GALK2: variants seen among roughly 807,000 people sequenced by gnomAD.
The protein encoded by GALK2 is N-acetylgalactosamine kinase.
Under a neutral mutation model 52.4 loss-of-function variants are expected in GALK2, and 36 were observed. The observed-to-expected ratio is 0.69, with a 90% CI of 0.53 to 0.91. GALK2 has a LOEUF of 0.91. Among genes scored for constraint, GALK2 ranks in the 40% least tolerant of loss-of-function variants. The pLI, the probability that GALK2 is intolerant of heterozygous loss-of-function variation, is 0.00. For missense variants in GALK2, 579 were observed against 559.1 expected (o/e 1.04, Z -0.36); for synonymous variants, 176 against 199.1 (o/e 0.88, Z 0.98).
intron 3 of GALK2, among the ~76,000 whole-genome samples, chr15:49,223,624 G>A (rs2089958264): frequency 6.6e-6 from 1 of 152,132 alleles, no homozygotes; most frequent in Non-Finnish European, 1.5e-5. Flanking sequence ...CCACTTATAA[G>A]TGAGAACATG....
At chr15:49,364,450 G>A (rs951843576) in intron 3 of GALK2, among the ~76,000 whole-genome samples, 5 of 151,984 alleles carry the variant, frequency 3.3e-5, no homozygotes, top group Non-Finnish European at 7.4e-5. Context: ...TGTGGGGTTG[G>A]TGGCAATGTC....
At chr15:49,293,850 A>G (rs937209824) in intron 8 of GALK2, among the ~76,000 whole-genome samples, 1 of 152,080 alleles carries the variant, frequency 6.6e-6, no homozygotes, top group Non-Finnish European at 1.5e-5. Context: ...CTGTAATTCC[A>G]GCACTTTGGG....
chr15:49,284,486 A>G (rs1470928771), intron 7 of GALK2, among the ~76,000 whole-genome samples: 2 of 152,176 alleles, frequency 1.3e-5, no homozygotes, highest in Non-Finnish European at 2.9e-5. Flanking sequence ...TAATACGACT[A>G]GAAAGTTGGA....
rs1409451180 is a variant in GALK2, at chr15:49,260,267, G to A, written c.504+20900G>A. Among the ~76,000 whole-genome samples the A allele has an allele frequency of 9.9e-5, 15 of 152,072 alleles. No individual in the cohort carries two copies. In the East Asian group the frequency reaches 2.1e-3, roughly 22 times the overall value. ...GTTGTTTCCTGACTTTTTAATGATC[G>A]CCATTCTAACTGGTGTGAGATGGTA... On this transcript the variant is annotated intron_variant, in intron 5 of 9. Transcript: ENST00000560031.
intron 1 of GALK2, among the ~76,000 whole-genome samples, chr15:49,184,763 A>G (rs1012768827): frequency 6.6e-6 from 1 of 152,204 alleles, no homozygotes; most frequent in African/African-American, 2.4e-5. Context: ...CTTCAACTTC[A>G]TCTACCTTCT....
intron 4 of GALK2, among the ~76,000 whole-genome samples, chr15:49,236,395 G>A (rs2090808381): frequency 6.6e-6 from 1 of 152,054 alleles, no homozygotes; most frequent in Admixed American, 6.6e-5. Flanking sequence ...CTGACAAAGA[G>A]TTGTTAAAAG....
downstream of GALK2, among the ~76,000 whole-genome samples, chr15:49,334,956 A>G (rs549821112): frequency 6.6e-6 from 1 of 152,320 alleles, no homozygotes; most frequent in South Asian, 2.1e-4. Context: ...ATTATTTTAT[A>G]AATTATTATG....
intron 1 of GALK2, among the ~76,000 whole-genome samples, chr15:49,170,764 C>T (rs970101009): frequency 6.6e-6 from 1 of 152,068 alleles, no homozygotes; most frequent in Non-Finnish European, 1.5e-5. Context: ...AAAACAAACA[C>T]AAAAACCTTC....
In GALK2 at chr15:49,329,533, A is replaced by G; in HGVS notation, c.*1374A>G. ...GGGAGGCCTGCGCAAAGCTAGTTTT[A>G]TTTCTTAAAGGATAACAGTCATACA... On this transcript the variant is annotated 3_prime_UTR_variant, in exon 10 of 10. Transcript: ENST00000560031. 1.0e-6 allele frequency: 1 copy of G among 985,322 alleles called. No individual in the cohort carries two copies. 61.0% of individuals were successfully genotyped at this position (985,322 alleles called of 1,614,324 possible).
At chr15:49,235,136 T>A (rs1354318977) in intron 3 of GALK2, among the ~76,000 whole-genome samples, 3 of 152,210 alleles carry the variant, frequency 2.0e-5, no homozygotes, top group African/African-American at 7.2e-5. Flanking sequence ...TTGCTTCTCA[T>A]CACATTTTTA....
chr15:49,223,296 C>A (rs1265783798), intron 3 of GALK2: 1 of 152,072 alleles, frequency 6.6e-6, no homozygotes, highest in African/African-American at 2.4e-5. Flanking sequence ...GTTAATCTGG[C>A]TAGCAGTTTA....
intron 2 of GALK2, among the ~76,000 whole-genome samples, chr15:49,206,614 G>A (rs2088306732): frequency 6.6e-6 from 1 of 151,960 alleles, no homozygotes; most frequent in South Asian, 2.1e-4. Flanking sequence ...TATTGTAAAA[G>A]GGGTTGAGTT....
chr15:49,270,756 T>C (rs2030403048), intron 5 of GALK2, among the ~76,000 whole-genome samples: 1 of 152,218 alleles, frequency 6.6e-6, no homozygotes, highest in East Asian at 1.9e-4. Flanking sequence ...GGTTCTTTCT[T>C]TCTCTTTCGT....
chr15:49,362,139 G>A (rs189198509), intron 3 of GALK2, among the ~76,000 whole-genome samples: 1 of 151,948 alleles, frequency 6.6e-6, no homozygotes, highest in Non-Finnish European at 1.5e-5. Flanking sequence ...ACATAGTTTG[G>A]CTCTGTGTCC....
chr15:49,342,396 C>T (rs1470346106), intron 3 of GALK2, among the ~76,000 whole-genome samples: 2 of 152,046 alleles, frequency 1.3e-5, no homozygotes, highest in Non-Finnish European at 2.9e-5. Flanking sequence ...TTCTCCAGTC[C>T]TTTAATTTGA....
intron 8 of GALK2, among the ~76,000 whole-genome samples, chr15:49,295,333 C>A (rs200569001): frequency 0.011 from 1,651 of 147,104 alleles, 14 homozygotes; most frequent in East Asian, 0.045. Flanking sequence ...CTCTCTCTAT[C>A]TATATATATA....
At chr15:49,168,586 C>T (rs532078412), upstream of GALK2, among the ~76,000 whole-genome samples, 2 of 151,966 alleles carry the variant, frequency 1.3e-5, no homozygotes, top group Non-Finnish European at 2.9e-5. Flanking sequence ...GGTGTGGTGG[C>T]GGCTGCCTGT....
At chr15:49,366,048 CT>C (rs1223795522) in intron 3 of GALK2, 47 of 815,444 alleles carry the variant, frequency 5.8e-5, no homozygotes, top group Admixed American at 1.7e-4. Flanking sequence ...GATATTCTTC[CT>C]TTTTTTTCCC....
intron 3 of GALK2, among the ~76,000 whole-genome samples, chr15:49,232,563 C>G (rs1220210190): frequency 6.6e-6 from 1 of 152,208 alleles, no homozygotes; most frequent in Non-Finnish European, 1.5e-5. Context: ...ACCACATGGC[C>G]AGCCTTCAAA....
Sources: allele counts gnomAD v4.1 joint callset (sites outside exome capture counted in the v4.1 genomes callset), GRCh38; gene constraint gnomAD v4.1.1; transcripts MANE v1.5; gene names NCBI Gene and HGNC (gene_info 2026-07-23, HGNC 2026-07-21).